SHROOM3: variants seen among roughly 807,000 people sequenced by gnomAD.
The protein encoded by SHROOM3 is protein Shroom3.
Under a neutral mutation model 138.6 loss-of-function variants are expected in SHROOM3, and 47 were observed. The observed-to-expected ratio is 0.34, with a 90% CI of 0.27 to 0.43. The LOEUF (loss-of-function observed/expected upper bound fraction) is 0.43. SHROOM3 is among the 20% of genes least tolerant of loss of function. The probability of loss-of-function intolerance (pLI) is 1.00; values close to 1 mark genes in which losing one functional copy is unlikely to be tolerated. For synonymous variants in SHROOM3, 1,062 were observed against 1,063.3 expected (o/e 1.00, Z 0.02); for missense variants, 2,491 against 2,596.5 (o/e 0.96, Z 0.88).
chr4:76,551,857 A>T lies in SHROOM3; in HGVS notation c.169-3752A>T, dbSNP rs530192707. On this transcript the variant is annotated intron_variant, in intron 1 of 10. Coordinates refer to ENST00000296043, the MANE Select transcript of SHROOM3 (RefSeq NM_020859.4). ...ATTATCTGAAAATGGGAAAAAGAAG[A>T]ATTATTATTATTATTTTTTTTTGAG... 2.4e-3 allele frequency among the ~76,000 whole-genome samples: 369 copies of T among 151,670 alleles called. 2 individuals are homozygous for T. Among genetic ancestry groups the T allele is most frequent in the African/African-American group, 7.8e-3 (322 of 41,386 alleles).
intron 2 of SHROOM3, among the ~76,000 whole-genome samples, chr4:76,570,448 G>A (rs2110037781): frequency 6.6e-6 from 1 of 152,196 alleles, no homozygotes; most frequent in Non-Finnish European, 1.5e-5. Flanking sequence ...ACAAAATCCA[G>A]CCGTGTTTGG....
intron 1 of SHROOM3, among the ~76,000 whole-genome samples, chr4:76,445,577 CAAAA>C (rs746243299): frequency 6.6e-6 from 1 of 151,896 alleles, no homozygotes; most frequent in Non-Finnish European, 1.5e-5. Context: ...GTTCTAGAAA[CAAAA>C]AGAAAGTCAG....
chr4:76,455,626 A>C (rs566942431), intron 1 of SHROOM3, among the ~76,000 whole-genome samples: 1 of 152,164 alleles, frequency 6.6e-6, no homozygotes, highest in Non-Finnish European at 1.5e-5. Context: ...TGAAATTCAC[A>C]AAAAAGAATA....
chr4:76,541,017 A>G (rs1001961058), intron 1 of SHROOM3, among the ~76,000 whole-genome samples: 1 of 152,128 alleles, frequency 6.6e-6, no homozygotes, highest in African/African-American at 2.4e-5. Context: ...TACATATACA[A>G]TTTGTTGACT....
chr4:76,773,792 C>A (rs1309463158), intron 10 of SHROOM3, among the ~76,000 whole-genome samples: 1 of 152,194 alleles, frequency 6.6e-6, no homozygotes, highest in Non-Finnish European at 1.5e-5. Context: ...TGGATGCAAC[C>A]CCTAGAGTTC....
chr4:76,566,874 G>A (rs1436273465), intron 2 of SHROOM3, among the ~76,000 whole-genome samples: 1 of 152,216 alleles, frequency 6.6e-6, no homozygotes, highest in African/African-American at 2.4e-5. Flanking sequence ...CTTCGCATGT[G>A]GCAGCTCTGA....
chr4:76,483,063 G>A (rs1228899631), intron 1 of SHROOM3, among the ~76,000 whole-genome samples: 12 of 152,000 alleles, frequency 7.9e-5, no homozygotes, highest in Admixed American at 7.2e-4. Flanking sequence ...GAAAACCTAG[G>A]CAATACCATT....
At chr4:76,738,657 C>T in intron 4 of SHROOM3, 104 bp from the exon 5 acceptor site, 1 of 1,418,968 alleles carries the variant, frequency 7.0e-7, no homozygotes. Context: ...CTTCCAAACA[C>T]CAAACCTCTT....
rs912665969 is a variant in SHROOM3, at chr4:76,672,052, A to T, written c.324-38104A>T. ...ACTTTTGTTACTTATGTGATACCAT[A>T]GCCCCCACATTTAAGGGAAAGAGTG... On this transcript the variant is annotated intron_variant, in intron 2 of 10. Transcript: ENST00000296043. 3.9e-5 allele frequency among the ~76,000 whole-genome samples: 6 copies of T among 152,170 alleles called. 1 individual carries two copies. Among genetic ancestry groups the T allele is most frequent in the Admixed American group, 6.5e-5 (1 of 15,274 alleles).
intron 3 of SHROOM3, among the ~76,000 whole-genome samples, chr4:76,713,158 T>C (rs929803403): frequency 5.3e-5 from 8 of 152,260 alleles, no homozygotes; most frequent in Non-Finnish European, 1.2e-4. Flanking sequence ...GCCAAATTTA[T>C]TTAAAATTTT....
intron 2 of SHROOM3, among the ~76,000 whole-genome samples, chr4:76,636,771 G>A (rs60403172): frequency 0.089 from 13,515 of 152,302 alleles, 615 homozygotes; most frequent in East Asian, 0.14. Flanking sequence ...GTAATGGGAT[G>A]ACATCCTGGC....
intron 2 of SHROOM3, among the ~76,000 whole-genome samples, chr4:76,632,694 A>G (rs1388360594): frequency 6.6e-6 from 1 of 152,210 alleles, no homozygotes; most frequent in Non-Finnish European, 1.5e-5. Context: ...ATGAGGCAGG[A>G]CTACAAGCAG....
At chr4:76,620,070 CAAAAAAAAAAAAA>C (rs68039696) in intron 2 of SHROOM3, among the ~76,000 whole-genome samples, 1 of 61,098 alleles carries the variant, frequency 1.6e-5, no homozygotes, top group Non-Finnish European at 3.2e-5. Context: ...GAATCTATCT[CAAAAAAAAAAAAA>C]AAAAAAAAAA....
At chr4:76,646,706 C>G (rs1735829492) in intron 2 of SHROOM3, among the ~76,000 whole-genome samples, 1 of 152,110 alleles carries the variant, frequency 6.6e-6, no homozygotes, top group Admixed American at 6.6e-5. Flanking sequence ...GAACTTTATT[C>G]TGGAAAGTTT....
intron 1 of SHROOM3, among the ~76,000 whole-genome samples, chr4:76,533,490 G>T (rs767151146): frequency 2.0e-5 from 3 of 152,186 alleles, no homozygotes; most frequent in African/African-American, 7.2e-5. Flanking sequence ...CCCTTTTGCT[G>T]CCAAGGGATC....
chr4:76,672,419 CAAAAAA>C (rs35488837), intron 2 of SHROOM3, among the ~76,000 whole-genome samples: 4 of 127,270 alleles, frequency 3.1e-5, no homozygotes, highest in Non-Finnish European at 1.7e-5. Context: ...AATTAGGGAC[CAAAAAA>C]AAAAAAAAAA....
At chr4:76,585,254 C>G (rs532711155) in intron 2 of SHROOM3, among the ~76,000 whole-genome samples, 45 of 152,288 alleles carry the variant, frequency 3.0e-4, no homozygotes, top group African/African-American at 9.6e-4. Flanking sequence ...TAAAAATAAC[C>G]TGCAAATCTT....
In SHROOM3 at chr4:76,626,836, A is replaced by G. The variant is rs144928295; in HGVS notation, c.323+71073A>G. 5.3e-5 allele frequency among the ~76,000 whole-genome samples: 8 copies of G among 152,292 alleles called. No homozygotes were observed. In the East Asian group the frequency reaches 1.5e-3, roughly 29 times the overall value. On this transcript the variant is annotated intron_variant, in intron 2 of 10. Coordinates refer to ENST00000296043, the MANE Select transcript of SHROOM3 (RefSeq NM_020859.4). ...CATATTTCTCTTCCTCAATTAAAGC[A>G]CTATTGTTTTCTCAGGCATTGGATG... is the stretch of plus-strand genomic sequence containing the variant.
At position 76,741,088 on chromosome 4, in the gene SHROOM3, A is replaced by AGGCGTC. The variant is rs1560609188; in HGVS notation, c.2919_2924dup (p.Ala977_Ser978dup). On this transcript the variant is annotated inframe_insertion, in exon 5 of 11. Coordinates refer to ENST00000296043, the MANE Select transcript of SHROOM3 (RefSeq NM_020859.4). The surrounding 1 kb of genome is among the most constrained non-coding windows in gnomAD (Gnocchi z 6.2). ...GCCCACGTGGGGCTGCGGAGCCCCGAGGCGTCGGCCTCCGCCTCCCCGCAC... is the reference window on the plus strand; with the variant it reads ...GCCCACGTGGGGCTGCGGAGCCCCGAGGCGTCGGCGTCGGCCTCCGCCTCCCCGCAC... 1.0e-5 allele frequency: 16 copies of AGGCGTC among 1,542,970 alleles called. No homozygotes were observed. Among genetic ancestry groups the AGGCGTC allele is most frequent in the Non-Finnish European group, 1.4e-5 (16 of 1,144,344 alleles).
Sources: gnomAD v4.1 joint callset for allele counts (sites outside exome capture counted in the v4.1 genomes callset) on GRCh38, gnomAD v4.1.1 for gene constraint, Gnocchi (gnomAD v3.1) non-coding constraint, MANE v1.5 for transcripts, NCBI Gene and HGNC (gene_info 2026-07-23, HGNC 2026-07-21) for gene names.